The following ADAM22 variants were observed in gnomAD, a reference collection of about 807,000 sequenced individuals.
ADAM22 encodes ADAM metallopeptidase domain 22.
ADAM22 carries 65 observed loss-of-function variants against 144.6 expected under a neutral mutation model. That is an observed-to-expected ratio of 0.45 (90% CI 0.37 to 0.55). The LOEUF is 0.55. Among genes scored for constraint, ADAM22 ranks in the 20% least tolerant of loss-of-function variants. The pLI is 0.00. For synonymous variants in ADAM22, 391 were observed against 412.6 expected (o/e 0.95, Z 0.63); for missense variants, 974 against 1,184.9 (o/e 0.82, Z 2.61).
chr7:87,972,202 A>T (rs1421693399), intron 2 of ADAM22, among the ~76,000 whole-genome samples: 5 of 152,212 alleles, frequency 3.3e-5, no homozygotes, highest in Non-Finnish European at 7.3e-5. Flanking sequence ...TCAGCCCAAA[A>T]TCTCCTTAAG....
At chr7:88,073,004 C>CA (rs1047322029) in intron 3 of ADAM22, among the ~76,000 whole-genome samples, 5 of 151,918 alleles carry the variant, frequency 3.3e-5, no homozygotes, top group Admixed American at 6.6e-5. Context: ...ATGATGAAGA[C>CA]AAAAAAAGAG....
At chr7:88,101,891 C>G (rs1436944735) in intron 4 of ADAM22, among the ~76,000 whole-genome samples, 6 of 152,160 alleles carry the variant, frequency 3.9e-5, no homozygotes, top group African/African-American at 1.2e-4. Flanking sequence ...CTGCATCCTC[C>G]GAGCTTCTGA....
chr7:88,155,854 G>T, intron 21 of ADAM22, 33 bp from the exon 22 acceptor site: 2 of 1,606,360 alleles, frequency 1.2e-6, no homozygotes, highest in Non-Finnish European at 1.7e-6. Flanking sequence ...TATATATTTG[G>T]GAAAAGAAGT....
intron 2 of ADAM22, among the ~76,000 whole-genome samples, chr7:87,970,284 T>C (rs1017345705): frequency 6.6e-6 from 1 of 152,160 alleles, no homozygotes; most frequent in Admixed American, 6.6e-5. Context: ...GATGTTAGAC[T>C]TCCAAGAATT....
chr7:88,095,593 G>A (rs978223932), intron 4 of ADAM22, among the ~76,000 whole-genome samples: 8 of 152,014 alleles, frequency 5.3e-5, no homozygotes, highest in South Asian at 4.1e-4. Context: ...ACATTCATGC[G>A]TTTTCTTTCT....
intron 3 of ADAM22, among the ~76,000 whole-genome samples, chr7:87,988,232 G>T (rs1788926099): frequency 1.3e-5 from 2 of 152,110 alleles, no homozygotes. Flanking sequence ...AAGCAGCAAG[G>T]CATAGCATCA....
rs74386006 is a variant in ADAM22 at position 88,056,440 on chromosome 7, C to T, written c.324-19186C>T. Among the ~76,000 whole-genome samples the T allele has an allele frequency of 8.0e-3, 1,212 of 152,206 alleles. 4 individuals are homozygous for T. Among genetic ancestry groups the T allele is most frequent in the South Asian group, 0.014 (69 of 4,822 alleles). ...CTTAACATGAAGCCTTACCATTATG[C>T]GTTGATTTCTCTTTTATAAAAACAT... is the stretch of plus-strand genomic sequence containing the variant. On this transcript the variant is annotated intron_variant, in intron 3 of 31. Coordinates refer to ENST00000413139, the MANE Select transcript of ADAM22 (RefSeq NM_001324418.2).
chr7:88,111,682 T>C (rs1355363241), intron 5 of ADAM22, among the ~76,000 whole-genome samples: 1 of 151,654 alleles, frequency 6.6e-6, no homozygotes, highest in Non-Finnish European at 1.5e-5. Context: ...CTGTGACGAC[T>C]TGGTCTTAGC....
intron 4 of ADAM22, among the ~76,000 whole-genome samples, chr7:88,089,760 G>T (rs923359879): frequency 6.6e-6 from 1 of 152,152 alleles, no homozygotes; most frequent in Admixed American, 6.6e-5. Flanking sequence ...TATAGAAGTT[G>T]TCACTTAAGC....
rs764889484 is a variant in ADAM22, at chr7:88,127,692, T to A, written c.679-910T>A. Reference sequence around the variant, plus strand: ...TTAACTGCAACACTCAAAACAAACATATATGTATTGATTTAAGTTTGATTG... The same window carrying A: ...TTAACTGCAACACTCAAAACAAACAAATATGTATTGATTTAAGTTTGATTG... On this transcript the variant is annotated intron_variant, in intron 8 of 31. Transcript: ENST00000413139. Among the ~76,000 whole-genome samples, 5 of 152,010 alleles carry A rather than the reference T, an allele frequency of 3.3e-5. No individual in the cohort carries two copies. In the South Asian group the frequency reaches 8.3e-4, roughly 25 times the overall value.
At chr7:88,108,925 T>C (rs543783076) in intron 5 of ADAM22, among the ~76,000 whole-genome samples, 64 of 152,270 alleles carry the variant, frequency 4.2e-4, no homozygotes, top group Admixed American at 5.9e-4. Flanking sequence ...TAAAATGATA[T>C]TTGAAGCATT....
At chr7:87,991,842 G>A (rs1359734793) in intron 3 of ADAM22, among the ~76,000 whole-genome samples, 1 of 152,146 alleles carries the variant, frequency 6.6e-6, no homozygotes, top group Non-Finnish European at 1.5e-5. Flanking sequence ...AGTTTGAGGT[G>A]ATAATCAGAA....
In ADAM22 at chr7:87,934,503, T is replaced by A; in HGVS notation, c.38T>A (p.Leu13Gln). ...AAVAVSVPFL[L>Q]LCVLGTCPPA... ...GTGGCTGTGTCCGTGCCCTTCTTGC[T>A]GCTCTGTGTCCTGGGGACCTGCCCT... Residue 13 changes from leucine (L) to glutamine (Q), a missense_variant, in exon 1 of 32, where the codon CTG (leucine) becomes CAG (glutamine). Physicochemically the swap from Leu to Gln is moderately radical, Grantham distance 113 (BLOSUM62 -2). This residue lies in a region of ADAM22 where 240 missense variants were observed against 234.3 expected (regional missense o/e 1.02). Transcript: ENST00000413139. 6.2e-7 allele frequency: 1 copy of A among 1,609,024 alleles called. No individual in the cohort carries two copies. Among genetic ancestry groups the A allele is most frequent in the Non-Finnish European group, 8.5e-7 (1 of 1,179,558 alleles).
chr7:88,074,394 A>G (rs1164805221), intron 3 of ADAM22, among the ~76,000 whole-genome samples: 2 of 152,206 alleles, frequency 1.3e-5, no homozygotes, highest in Non-Finnish European at 2.9e-5. Flanking sequence ...TACTAGCAAA[A>G]TATATACTGA....
chr7:88,181,389 TTC>T, intron 27 of ADAM22, 114 bp from the exon 28 acceptor site: 2 of 786,762 alleles, frequency 2.5e-6, no homozygotes, highest in Non-Finnish European at 4.0e-6. Context: ...TTCAGATTTT[TTC>T]TTTCTTGATT....
rs1830237850 is a variant in ADAM22, at chr7:88,125,657, C to G, written c.676C>G (p.Gln226Glu). 1 of 1,590,030 alleles carries G rather than the reference C, an allele frequency of 6.3e-7. No homozygotes were observed. The highest frequency in any genetic ancestry group is 1.4e-5 in the African/African-American group (1 of 73,098). ...GCCAAGACCAAAAAGGAGTAAACGG[C>G]AGGTATGTATTCACAGTGGTGTGTC... ...LKPRPKRSKR[Q>E]LRRYPRNVEE... The change falls in exon 8 of 32, where the codon CAG becomes GAG. Residue 226 changes from glutamine (Q) to glutamate (E), a missense_variant and splice_region_variant. By Grantham distance (29) the Gln-to-Glu change is conservative. This residue lies in a region of ADAM22 where 734 missense variants were observed against 950.6 expected (regional missense o/e 0.77). Coordinates refer to ENST00000413139, the MANE Select transcript of ADAM22 (RefSeq NM_001324418.2).
chr7:88,026,967 T>G (rs1799159153), intron 3 of ADAM22, among the ~76,000 whole-genome samples: 1 of 152,190 alleles, frequency 6.6e-6, no homozygotes, highest in Non-Finnish European at 1.5e-5. Flanking sequence ...TGCTTTTCAT[T>G]TCAGCATCAA....
intron 3 of ADAM22, among the ~76,000 whole-genome samples, chr7:87,979,026 G>C (rs564176795): frequency 1.7e-3 from 258 of 152,300 alleles, no homozygotes; most frequent in Non-Finnish European, 2.5e-3. Context: ...AATCTGGTTA[G>C]TTACTGTTCA....
chr7:87,956,323 T>G (rs1401332182), intron 2 of ADAM22, among the ~76,000 whole-genome samples: 3 of 152,196 alleles, frequency 2.0e-5, no homozygotes, highest in African/African-American at 4.8e-5. Context: ...GGACTTGTGG[T>G]GGAGAGGAGA....
Sources: gnomAD v4.1 joint callset for allele counts (sites outside exome capture counted in the v4.1 genomes callset) on GRCh38, gnomAD v4.1.1 for gene constraint, gnomAD v4.1.1 regional missense constraint, MANE v1.5 for transcripts, NCBI Gene and HGNC (gene_info 2026-07-23, HGNC 2026-07-21) for gene names.